Variants in SLC25A48 observed in about 807,000 individuals in gnomAD.
SLC25A48 encodes solute carrier family 25 member 48, also known as CTC-321K16.1.
SLC25A48 carries 29 observed loss-of-function variants against 32.2 expected under a neutral mutation model. That is an observed-to-expected ratio of 0.90 (90% CI 0.67 to 1.23). The LOEUF (loss-of-function observed/expected upper bound fraction) is 1.23, where lower values mean the gene tolerates loss of function less well. Ranked by LOEUF, SLC25A48 falls within the 50% of genes most tolerant of loss-of-function variation. The probability of loss-of-function intolerance (pLI) is 0.00; values close to 1 mark genes in which losing one functional copy is unlikely to be tolerated. For synonymous variants in SLC25A48, 164 were observed against 172.3 expected, an observed-to-expected ratio of 0.95 and a Z score of 0.38; for missense variants, 399 against 422.7, an observed-to-expected ratio of 0.94 and a Z score of 0.49.
At chr5:135,631,914 G>A (rs1752582015) in intron 2 of SLC25A48, among the ~76,000 whole-genome samples, 1 of 152,202 alleles carries the variant, frequency 6.6e-6, no homozygotes, top group African/African-American at 2.4e-5. Flanking sequence ...ACACTGTTAA[G>A]CAGAGGACTG....
Position 135,815,754 on chromosome 5 carries a change from C to T in SLC25A48, c.-117+2828C>T, listed in dbSNP as rs192004817. 1.6e-4 allele frequency among the ~76,000 whole-genome samples: 25 copies of T among 152,292 alleles called. No homozygotes were observed. The East Asian group carries it at 3.9e-3, about 23-fold the overall frequency. ...GGGATACGTGTAGTCAGTGCACCTT[C>T]CCAGAGTGCAGATATTCTCTGTCAC... On this transcript the variant is annotated intron_variant, in intron 4 of 10. Coordinates refer to the SLC25A48 transcript ENST00000646290.
intron 1 of SLC25A48, among the ~76,000 whole-genome samples, chr5:135,838,665 C>T (rs776310286): frequency 3.3e-5 from 5 of 152,230 alleles, no homozygotes; most frequent in Non-Finnish European, 7.3e-5. Flanking sequence ...CTGAAAGGGG[C>T]CAAGGTACAG....
intron 3 of SLC25A48, among the ~76,000 whole-genome samples, chr5:135,799,160 C>G (rs1013334669): frequency 2.6e-4 from 40 of 151,698 alleles, no homozygotes; most frequent in African/African-American, 9.4e-4. Flanking sequence ...ATGTACAGCA[C>G]CCTGTGATAT....
chr5:135,835,039 A>C, intron 1 of SLC25A48, 146 bp downstream of exon 1: 1 of 969,972 alleles, frequency 1.0e-6, no homozygotes, highest in Non-Finnish European at 1.6e-6. Flanking sequence ...CCCGGCCCCG[A>C]GATCCCCCTG....
chr5:135,690,976 G>A (rs1448176060), intron 3 of SLC25A48, among the ~76,000 whole-genome samples: 1 of 151,832 alleles, frequency 6.6e-6, no homozygotes, highest in Non-Finnish European at 1.5e-5. Flanking sequence ...CAGCTTTGAG[G>A]ATCCCCAACT....
At chr5:135,882,900 A>G (rs1171075737) in intron 7 of SLC25A48, among the ~76,000 whole-genome samples, 2 of 152,308 alleles carry the variant, frequency 1.3e-5, no homozygotes, top group Non-Finnish European at 2.9e-5. Flanking sequence ...CCTTTGCTGA[A>G]CATTTTCAAA....
At chr5:135,617,592 G>A (rs542173132) in intron 1 of SLC25A48, among the ~76,000 whole-genome samples, 2 of 151,644 alleles carry the variant, frequency 1.3e-5, no homozygotes, top group South Asian at 4.2e-4. Context: ...ATCTATTGCT[G>A]TAAACTTCCC....
chr5:135,791,057 C>G (rs1308386771), intron 3 of SLC25A48, among the ~76,000 whole-genome samples: 1 of 150,042 alleles, frequency 6.7e-6, no homozygotes, highest in Non-Finnish European at 1.5e-5. Flanking sequence ...CTGTGATACT[C>G]TTTGTAATAT....
intron 1 of SLC25A48, among the ~76,000 whole-genome samples, chr5:135,617,757 C>T (rs1348015766): frequency 6.6e-6 from 1 of 151,834 alleles, no homozygotes; most frequent in Non-Finnish European, 1.5e-5. Context: ...TGTATTTGTA[C>T]AGTTTCCAAA....
intron 1 of SLC25A48, chr5:135,835,203 C>G: frequency 6.7e-6 from 4 of 597,736 alleles, no homozygotes; most frequent in Non-Finnish European, 1.3e-5. Context: ...CTCCTGGCGG[C>G]GCACACACCC....
At chr5:135,628,327 G>T (rs532921326) in intron 1 of SLC25A48, among the ~76,000 whole-genome samples, 1 of 152,294 alleles carries the variant, frequency 6.6e-6, no homozygotes, top group South Asian at 2.1e-4. Flanking sequence ...TACACCCCGA[G>T]GAACCTGGGG....
intron 2 of SLC25A48, among the ~76,000 whole-genome samples, chr5:135,632,276 A>T (rs555717102): frequency 6.6e-6 from 1 of 152,214 alleles, no homozygotes; most frequent in South Asian, 2.1e-4. Flanking sequence ...TTGCTGTCTT[A>T]GAAGACTGAC....
intron 1 of SLC25A48, among the ~76,000 whole-genome samples, chr5:135,612,615 C>A (rs1752099641): frequency 6.6e-6 from 1 of 152,098 alleles, no homozygotes; most frequent in Non-Finnish European, 1.5e-5. Flanking sequence ...TATTTAGCTC[C>A]CACGTATGAG....
At chr5:135,825,461 C>A (rs1758014435) in intron 4 of SLC25A48, among the ~76,000 whole-genome samples, 2 of 152,268 alleles carry the variant, frequency 1.3e-5, no homozygotes, top group African/African-American at 2.4e-5. Flanking sequence ...CCCAGACACA[C>A]CCCTCCCAGC....
intron 6 of SLC25A48, among the ~76,000 whole-genome samples, chr5:135,876,569 C>T (rs1213786879): frequency 6.6e-6 from 1 of 152,028 alleles, no homozygotes; most frequent in Non-Finnish European, 1.5e-5. Flanking sequence ...TAGGAAGCTT[C>T]CAAAACTACA....
chr5:135,620,509 T>C (rs958895234), intron 1 of SLC25A48, among the ~76,000 whole-genome samples: 1 of 152,066 alleles, frequency 6.6e-6, no homozygotes, highest in African/African-American at 2.4e-5. Context: ...GCACCCAAGA[T>C]TGGAAGCTTT....
intron 1 of SLC25A48, among the ~76,000 whole-genome samples, chr5:135,613,225 A>G (rs1387934440): frequency 6.6e-6 from 1 of 151,994 alleles, no homozygotes; most frequent in East Asian, 1.9e-4. Flanking sequence ...TTTTTTTGAG[A>G]AACGTCTATT....
chr5:135,789,033 GT>G (rs1268529171), intron 3 of SLC25A48, among the ~76,000 whole-genome samples: 5 of 151,658 alleles, frequency 3.3e-5, no homozygotes, highest in African/African-American at 1.2e-4. Flanking sequence ...TTCCCCATGT[GT>G]TGGGGGATGT....
chr5:135,654,019 G>A (rs1172087883), intron 3 of SLC25A48: 1 of 418,858 alleles, frequency 2.4e-6, no homozygotes, highest in Non-Finnish European at 4.8e-6. Context: ...TTTCTTAGTG[G>A]CAGTGGCAGC....
Sources: gnomAD v4.1 joint callset for allele counts (sites outside exome capture counted in the v4.1 genomes callset) on GRCh38, gnomAD v4.1.1 for gene constraint, MANE v1.5 for transcripts, NCBI Gene and HGNC (gene_info 2026-07-23, HGNC 2026-07-21) for gene names.